The following PHF24 variants were observed in gnomAD, a reference collection of about 807,000 sequenced individuals.
PHF24 encodes Galpha inhibitory interacting protein.
Under a neutral mutation model 42.6 loss-of-function variants are expected in PHF24, and 25 were observed. The ratio of observed to expected loss-of-function variants is 0.59; its 90% CI spans 0.43 to 0.82. The LOEUF (loss-of-function observed/expected upper bound fraction) is 0.82. Ranked by LOEUF, PHF24 falls within the 40% of genes least tolerant of loss-of-function variation. PHF24 has a pLI of 0.00. For synonymous variants in PHF24, 185 were observed against 204.8 expected (o/e 0.90, Z 0.83); for missense variants, 470 against 538.1 (o/e 0.87, Z 1.25).
At chr9:34,817,143 T>C in the PHF24 span, among the ~76,000 whole-genome samples, 14 of 152,272 alleles carry the variant, frequency 9.2e-5, no homozygotes, top group Non-Finnish European at 1.8e-4. Flanking sequence ...TTTTGAAATA[T>C]AAATTATTTT....
At chr9:34,892,697 C>T in the PHF24 span, 1 of 460,200 alleles carries the variant, frequency 2.2e-6, no homozygotes, top group Non-Finnish European at 3.9e-6. Context: ...GTTTTTCGTC[C>T]TCTCCTGCTG....
chr9:34,934,551 A>G, the PHF24 span, among the ~76,000 whole-genome samples: 1 of 139,862 alleles, frequency 7.1e-6, no homozygotes, highest in East Asian at 2.1e-4. Flanking sequence ...TACTCTCAGC[A>G]AAGGCTGAAT....
At chr9:34,872,252 T>A in the PHF24 span, among the ~76,000 whole-genome samples, 4 of 151,558 alleles carry the variant, frequency 2.6e-5, no homozygotes, top group African/African-American at 4.8e-5. Flanking sequence ...CATGTGCACA[T>A]TGTGCAGGTT....
chr9:34,688,334 G>A, the PHF24 span, among the ~76,000 whole-genome samples: 1 of 152,162 alleles, frequency 6.6e-6, no homozygotes, highest in Non-Finnish European at 1.5e-5. Context: ...ACTGTCTGGA[G>A]GCTAGCCTGC....
chr9:34,677,885 C>T, the PHF24 span, among the ~76,000 whole-genome samples: 1 of 152,150 alleles, frequency 6.6e-6, no homozygotes, highest in Non-Finnish European at 1.5e-5. Context: ...GTCATTCCTC[C>T]TTGAATGGCT....
the PHF24 span, among the ~76,000 whole-genome samples, chr9:34,795,259 G>GA: frequency 5.4e-3 from 782 of 144,262 alleles, 11 homozygotes; most frequent in South Asian, 0.036. Flanking sequence ...GAGAGAGAGA[G>GA]AAAAAAAAAA....
At chr9:34,963,116 A>G (rs1026650543) in intron 1 of PHF24, among the ~76,000 whole-genome samples, 2 of 152,150 alleles carry the variant, frequency 1.3e-5, no homozygotes, top group African/African-American at 4.8e-5. Flanking sequence ...CCAGGTGACA[A>G]AATGTCTGAG....
chr9:34,847,983 G>A, the PHF24 span, among the ~76,000 whole-genome samples: 1 of 152,112 alleles, frequency 6.6e-6, no homozygotes, highest in African/African-American at 2.4e-5. Flanking sequence ...TTTTTGATGT[G>A]CTGCTGGATT....
At chr9:34,967,438 G>T (rs1826816494) in intron 1 of PHF24, among the ~76,000 whole-genome samples, 1 of 152,008 alleles carries the variant, frequency 6.6e-6, no homozygotes, top group African/African-American at 2.4e-5. Context: ...GTGTCTACAG[G>T]GTTATCACAA....
the PHF24 span, among the ~76,000 whole-genome samples, chr9:34,745,279 A>C: frequency 3.9e-5 from 6 of 152,284 alleles, no homozygotes; most frequent in East Asian, 1.2e-3. Context: ...ATCCACAGCT[A>C]TACTGGCCAA....
At chr9:34,923,194 C>T in the PHF24 span, among the ~76,000 whole-genome samples, 1 of 152,012 alleles carries the variant, frequency 6.6e-6, no homozygotes, top group Non-Finnish European at 1.5e-5. Flanking sequence ...TTGAAACATC[C>T]TTGCATCCCT....
chr9:34,851,269 C>A, the PHF24 span, among the ~76,000 whole-genome samples: 11 of 152,298 alleles, frequency 7.2e-5, no homozygotes, highest in Middle Eastern at 3.4e-3. Flanking sequence ...TCAAGCTTCC[C>A]GGCTGCTTTG....
the PHF24 span, chr9:34,923,049 GTT>G: frequency 0.012 from 4,522 of 380,070 alleles, 11 homozygotes; most frequent in South Asian, 0.04. Context: ...TTTTGTTTTT[GTT>G]TTTTTTTTTT....
the PHF24 span, among the ~76,000 whole-genome samples, chr9:34,808,283 G>A: frequency 6.6e-6 from 1 of 151,950 alleles, no homozygotes. Context: ...GTAGTGTTTA[G>A]CATCTACCAT....
the PHF24 span, among the ~76,000 whole-genome samples, chr9:34,764,663 T>C: frequency 3.9e-5 from 6 of 152,134 alleles, no homozygotes; most frequent in Admixed American, 6.5e-5. Context: ...CTGGATTCAT[T>C]AATTTTTTGA....
the PHF24 span, among the ~76,000 whole-genome samples, chr9:34,874,389 C>T: frequency 2.0e-5 from 3 of 152,206 alleles, no homozygotes; most frequent in Non-Finnish European, 2.9e-5. Context: ...ATTAATGGGA[C>T]GTATCTCAAA....
the PHF24 span, among the ~76,000 whole-genome samples, chr9:34,851,624 C>T: frequency 6.6e-6 from 1 of 152,180 alleles, no homozygotes; most frequent in Non-Finnish European, 1.5e-5. Flanking sequence ...TGCGCCCACT[C>T]TCTGGCACTC....
At chr9:34,921,463 T>C in the PHF24 span, among the ~76,000 whole-genome samples, 5 of 152,232 alleles carry the variant, frequency 3.3e-5, no homozygotes, top group Admixed American at 2.6e-4. Context: ...ACCAAGCAAT[T>C]CATTTTCCCT....
the PHF24 span, among the ~76,000 whole-genome samples, chr9:34,935,399 G>C: frequency 6.6e-6 from 1 of 152,148 alleles, no homozygotes; most frequent in African/African-American, 2.4e-5. Context: ...TTCGAGGCCA[G>C]CCTGGCCAAC....
Sources: allele counts gnomAD v4.1 joint callset (sites outside exome capture counted in the v4.1 genomes callset), GRCh38; gene constraint gnomAD v4.1.1; transcripts MANE v1.5; gene names NCBI Gene and HGNC (gene_info 2026-07-23, HGNC 2026-07-21).